The following LIN9 variants were observed in gnomAD, a reference collection of about 807,000 sequenced individuals.
The protein encoded by LIN9 is lin-9 DREAM MuvB core complex component, also known as protein lin-9 homolog.
In LIN9, 18 loss-of-function variants were observed where a neutral mutation model predicts 78.0. That is an observed-to-expected ratio of 0.23 (90% CI 0.16 to 0.34). The LOEUF (loss-of-function observed/expected upper bound fraction) is 0.34. Among genes scored for constraint, LIN9 ranks in the 10% least tolerant of loss-of-function variants. LIN9 has a pLI of 1.00. For synonymous variants in LIN9, 192 were observed against 215.2 expected (o/e 0.89, Z 0.94); for missense variants, 451 against 644.1 (o/e 0.70, Z 3.25).
chr1:226,308,749 G>A (rs957980752), intron 1 of LIN9: 1 of 166,096 alleles, frequency 6.0e-6, no homozygotes, highest in Non-Finnish European at 1.3e-5. Context: ...TCGGCGCCGG[G>A]CGAGTGGTGC....
chr1:226,259,608 C>T (rs1337584251), intron 10 of LIN9, among the ~76,000 whole-genome samples: 1 of 152,130 alleles, frequency 6.6e-6, no homozygotes, highest in African/African-American at 2.4e-5. Context: ...TCTTACACCA[C>T]AATGAACTTC....
intron 6 of LIN9, among the ~76,000 whole-genome samples, chr1:226,279,402 T>C (rs1396232880): frequency 6.6e-6 from 1 of 151,552 alleles, no homozygotes; most frequent in Non-Finnish European, 1.5e-5. Flanking sequence ...GAGGCTGCAA[T>C]GAGCTAAGCT....
Position 226,286,416 on chromosome 1 carries a change from C to T in LIN9, c.441G>A (p.Lys147=). 6.2e-7 allele frequency: 1 copy of T among 1,608,634 alleles called. No individual in the cohort carries two copies. Among genetic ancestry groups the T allele is most frequent in the Non-Finnish European group, 8.5e-7 (1 of 1,176,296 alleles). Residue 147 remains lysine, a synonymous_variant, in exon 6 of 15, where the codon AAG becomes AAA. Transcript: ENST00000681046. ...TTGTTTTCAAATTAGGAAAAGATTC[C>T]TTTAGACATACACAGAAGTCATTAT... is the stretch of plus-strand genomic sequence containing the variant. ...EGDNDFCVCL[K]ESFPNLKTRK... is the part of the protein sequence containing the mutation.
chr1:226,304,442 A>G (rs1662773458), intron 1 of LIN9, among the ~76,000 whole-genome samples: 1 of 152,222 alleles, frequency 6.6e-6, no homozygotes, highest in South Asian at 2.1e-4. Context: ...AGACAAACAA[A>G]GCCTCTCCTC....
At chr1:226,248,623 T>C (rs1558161288) in intron 11 of LIN9, among the ~76,000 whole-genome samples, 1 of 152,214 alleles carries the variant, frequency 6.6e-6, no homozygotes, top group South Asian at 2.1e-4. Flanking sequence ...GTTTAAATTA[T>C]GGTACAATAC....
chr1:226,259,327 G>C (rs1199456618), intron 10 of LIN9, among the ~76,000 whole-genome samples: 1 of 152,066 alleles, frequency 6.6e-6, no homozygotes, highest in African/African-American at 2.4e-5. Flanking sequence ...ATTAACTATT[G>C]ACAAATAGAT....
intron 11 of LIN9, among the ~76,000 whole-genome samples, chr1:226,244,249 G>A (rs1658313013): frequency 2.0e-5 from 3 of 148,922 alleles, no homozygotes; most frequent in Non-Finnish European, 4.5e-5. Context: ...TGGCCAACAT[G>A]GTGAAACCCC....
chr1:226,251,939 A>C (rs1435474026), intron 10 of LIN9, among the ~76,000 whole-genome samples: 1 of 152,114 alleles, frequency 6.6e-6, no homozygotes, highest in Admixed American at 6.5e-5. Flanking sequence ...AAGCATTGAT[A>C]ATCAATGGCA....
intron 3 of LIN9, 45 bp downstream of exon 3, chr1:226,297,674 C>T: frequency 7.5e-7 from 1 of 1,330,042 alleles, no homozygotes; most frequent in Non-Finnish European, 1.0e-6. Context: ...ATACAGACAA[C>T]TTAGCTAGAA....
At chr1:226,268,200 G>C (rs917482498) in intron 7 of LIN9, 110 bp from the exon 8 acceptor site, 41 of 1,015,156 alleles carry the variant, frequency 4.0e-5, no homozygotes, top group Non-Finnish European at 5.3e-5. Context: ...TTGTCTATTA[G>C]AGTTTCAAAA....
intron 7 of LIN9, 98 bp downstream of exon 7, chr1:226,277,677 T>C (rs1660754721): frequency 2.9e-6 from 3 of 1,052,334 alleles, no homozygotes; most frequent in South Asian, 3.1e-5. Context: ...TATTTCTTGG[T>C]AATTAAAAAT....
chr1:226,281,572 A>G (rs889743343), intron 6 of LIN9, among the ~76,000 whole-genome samples: 6 of 152,176 alleles, frequency 3.9e-5, no homozygotes, highest in Non-Finnish European at 7.4e-5. Flanking sequence ...CACTGTACAC[A>G]TGTACTCCCA....
chr1:226,291,555 G>A (rs1047972242), intron 4 of LIN9, among the ~76,000 whole-genome samples: 1 of 151,960 alleles, frequency 6.6e-6, no homozygotes, highest in Admixed American at 6.6e-5. Flanking sequence ...TAATTATAGT[G>A]GCTGCCACTG....
intron 1 of LIN9, 115 bp downstream of exon 1, chr1:226,308,994 G>A: frequency 9.3e-7 from 1 of 1,070,198 alleles, no homozygotes; most frequent in South Asian, 3.9e-5. Context: ...ACCACAGTGG[G>A]GCTGGCAGTC....
chr1:226,294,761 A>G (rs945713480), intron 4 of LIN9, among the ~76,000 whole-genome samples: 7 of 151,930 alleles, frequency 4.6e-5, no homozygotes, highest in African/African-American at 7.3e-5. Flanking sequence ...TAAAGTTAAT[A>G]TTTCCCTATC....
intron 10 of LIN9, among the ~76,000 whole-genome samples, chr1:226,252,699 G>T (rs760876078): frequency 3.3e-5 from 5 of 152,210 alleles, no homozygotes; most frequent in African/African-American, 4.8e-5. Flanking sequence ...CAGGCCAGGT[G>T]TGGTAGCTCA....
chr1:226,243,913 C>T (rs111544913), intron 11 of LIN9, among the ~76,000 whole-genome samples: 12 of 150,832 alleles, frequency 8.0e-5, no homozygotes, highest in African/African-American at 2.4e-4. Context: ...CTTGCTCTGT[C>T]GCCCAGGCTG....
At chr1:226,245,341 T>C (rs564829265) in intron 11 of LIN9, among the ~76,000 whole-genome samples, 1 of 152,314 alleles carries the variant, frequency 6.6e-6, no homozygotes, top group African/African-American at 2.4e-5. Flanking sequence ...CTAATTTATG[T>C]GTAAGAATGC....
chr1:226,242,167 G>C (rs1658157243), intron 11 of LIN9, among the ~76,000 whole-genome samples: 1 of 152,190 alleles, frequency 6.6e-6, no homozygotes, highest in African/African-American at 2.4e-5. Context: ...ACTTGTACTG[G>C]TAGTTATCAA....
Sources: allele counts gnomAD v4.1 joint callset (sites outside exome capture counted in the v4.1 genomes callset), GRCh38; gene constraint gnomAD v4.1.1; transcripts MANE v1.5; gene names NCBI Gene and HGNC (gene_info 2026-07-23, HGNC 2026-07-21).